CRTAC1: variants seen among roughly 807,000 people sequenced by gnomAD.
The protein encoded by CRTAC1 is cartilage acidic protein 1.
A neutral mutation model predicts 67.8 loss-of-function variants in CRTAC1; 37 were observed. The observed-to-expected ratio is 0.55, with a 90% CI of 0.42 to 0.72. The LOEUF (loss-of-function observed/expected upper bound fraction) is 0.72, where lower values mean the gene tolerates loss of function less well. Ranked by LOEUF, CRTAC1 falls within the 30% of genes least tolerant of loss-of-function variation. The pLI is 0.00. For missense variants in CRTAC1, 780 were observed against 931.6 expected (o/e 0.84, Z 2.12); for synonymous variants, 348 against 371.0 (o/e 0.94, Z 0.71).
At chr10:97,972,736 TA>T (rs1364443215) in intron 2 of CRTAC1, among the ~76,000 whole-genome samples, 1 of 152,224 alleles carries the variant, frequency 6.6e-6, no homozygotes. Flanking sequence ...TATGCAGCCA[TA>T]AAAATTGTTT....
intron 2 of CRTAC1, among the ~76,000 whole-genome samples, chr10:97,956,058 C>T (rs2051434867): frequency 2.0e-5 from 3 of 152,214 alleles, no homozygotes; most frequent in Admixed American, 2.0e-4. Context: ...GGAATCACAC[C>T]TGCTTCTGTT....
intron 5 of CRTAC1, among the ~76,000 whole-genome samples, chr10:97,911,453 G>A (rs915606500): frequency 9.9e-5 from 15 of 152,260 alleles, no homozygotes; most frequent in African/African-American, 3.4e-4. Flanking sequence ...CATGGCAACC[G>A]GACCATAACA....
chr10:97,964,908 C>T (rs1272382185), intron 2 of CRTAC1, among the ~76,000 whole-genome samples: 17 of 148,268 alleles, frequency 1.1e-4, no homozygotes, highest in Non-Finnish European at 3.0e-5. Context: ...GCATTTCATT[C>T]TACTCATTTC....
intron 2 of CRTAC1, among the ~76,000 whole-genome samples, chr10:97,974,587 T>C (rs2051768227): frequency 1.3e-5 from 2 of 152,102 alleles, no homozygotes; most frequent in Admixed American, 6.6e-5. Context: ...TTGGTGGAAA[T>C]TGTTTTCTCC....
chr10:97,931,403 A>G (rs1295874337), intron 3 of CRTAC1, among the ~76,000 whole-genome samples: 1 of 152,256 alleles, frequency 6.6e-6, no homozygotes, highest in Non-Finnish European at 1.5e-5. Context: ...ATTTGGTAGC[A>G]CGTTTTGTGA....
chr10:97,919,344 A>C (rs909411360), intron 4 of CRTAC1, among the ~76,000 whole-genome samples: 1 of 152,198 alleles, frequency 6.6e-6, no homozygotes, highest in African/African-American at 2.4e-5. Context: ...CTTTTCTTAA[A>C]GGAGTCTCAG....
chr10:97,923,870 G>C (rs2050876281), intron 3 of CRTAC1, among the ~76,000 whole-genome samples: 1 of 152,096 alleles, frequency 6.6e-6, no homozygotes, highest in Admixed American at 6.5e-5. Context: ...CTGGTTCATG[G>C]GTAGGTCTCA....
chr10:97,932,946 G>A (rs1258437095), intron 3 of CRTAC1, among the ~76,000 whole-genome samples: 1 of 152,240 alleles, frequency 6.6e-6, no homozygotes, highest in East Asian at 1.9e-4. Flanking sequence ...GATGCAGGGT[G>A]CTTGCCCTCT....
At chr10:98,018,833 G>T (rs1301450848) in intron 1 of CRTAC1, among the ~76,000 whole-genome samples, 2 of 152,022 alleles carry the variant, frequency 1.3e-5, no homozygotes, top group Non-Finnish European at 2.9e-5. Context: ...CCCCACACAG[G>T]CTGGGCCACC....
intron 5 of CRTAC1, among the ~76,000 whole-genome samples, chr10:97,914,326 C>T (rs2050728919): frequency 1.3e-5 from 2 of 152,136 alleles, no homozygotes; most frequent in Admixed American, 1.3e-4. Context: ...AGGTGCCCAG[C>T]AGAAGGCCCT....
At chr10:97,871,678 CTAGT>C (rs1351930566) in intron 14 of CRTAC1, 1 of 152,060 alleles carries the variant, frequency 6.6e-6, no homozygotes, top group Admixed American at 6.6e-5. Context: ...TTGACAAGGG[CTAGT>C]AAGTGTCAGA....
chr10:97,868,925 T>G (rs1168803866), intron 14 of CRTAC1: 3 of 152,188 alleles, frequency 2.0e-5, no homozygotes, highest in East Asian at 1.9e-4. Context: ...CTCTACATAA[T>G]TAGTCATTCA....
intron 2 of CRTAC1, among the ~76,000 whole-genome samples, chr10:97,969,519 G>A (rs2051673690): frequency 1.3e-5 from 2 of 152,152 alleles, no homozygotes; most frequent in African/African-American, 4.8e-5. Context: ...TGCTTTGCTT[G>A]TTGATGATGA....
intron 1 of CRTAC1, among the ~76,000 whole-genome samples, chr10:98,027,315 G>A (rs1843258135): frequency 1.3e-5 from 2 of 152,194 alleles, no homozygotes; most frequent in Non-Finnish European, 2.9e-5. Context: ...CACCGAAGAA[G>A]TCCAAACATA....
intron 2 of CRTAC1, among the ~76,000 whole-genome samples, chr10:97,939,266 AC>A (rs2051135299): frequency 6.6e-6 from 1 of 152,158 alleles, no homozygotes; most frequent in Admixed American, 6.5e-5. Context: ...CATGGTAGTA[AC>A]CTCGGAAAGG....
intron 2 of CRTAC1, among the ~76,000 whole-genome samples, chr10:97,937,877 G>A (rs1164113496): frequency 6.6e-6 from 1 of 152,210 alleles, no homozygotes; most frequent in East Asian, 1.9e-4. Flanking sequence ...TGCACATCCC[G>A]AGGGAAATGC....
intron 2 of CRTAC1, among the ~76,000 whole-genome samples, chr10:97,955,814 C>T (rs1018329890): frequency 1.3e-5 from 2 of 152,108 alleles, no homozygotes; most frequent in African/African-American, 4.8e-5. Context: ...CATGGGTGCA[C>T]GGTGAGGAAT....
intron 14 of CRTAC1, chr10:97,879,559 C>T: frequency 2.4e-6 from 3 of 1,237,756 alleles, no homozygotes; most frequent in South Asian, 1.8e-5. Context: ...CCCCTGTTGT[C>T]CATTCAGAGG....
At chr10:97,884,601 A>G (rs1187726872) in intron 11 of CRTAC1, 7 of 433,246 alleles carry the variant, frequency 1.6e-5, no homozygotes, top group Non-Finnish European at 2.8e-5. Context: ...GCCACTGGTA[A>G]CATGTGGCTG....
Sources: gnomAD v4.1 joint callset for allele counts (sites outside exome capture counted in the v4.1 genomes callset) on GRCh38, gnomAD v4.1.1 for gene constraint, MANE v1.5 for transcripts, NCBI Gene and HGNC (gene_info 2026-07-23, HGNC 2026-07-21) for gene names.